MAP1LC3B2: variants seen among roughly 807,000 people sequenced by gnomAD.
MAP1LC3B2 encodes the protein microtubule associated protein 1 light chain 3 beta 2, also known as microtubule-associated protein 1 light chain 3 beta 2.
For missense variants in MAP1LC3B2, 155 were observed against 154.6 expected (o/e 1.00, Z -0.01); for synonymous variants, 62 against 57.8 (o/e 1.07, Z -0.33).
chr12:116,567,922 C>T (rs1159482756), intron 1 of MAP1LC3B2, among the ~76,000 whole-genome samples: 1 of 152,062 alleles, frequency 6.6e-6, no homozygotes, highest in African/African-American at 2.4e-5. Flanking sequence ...TGTCTGGAGC[C>T]TGCGAGTTCT....
At chr12:116,564,270 T>C (rs1869337368) in intron 1 of MAP1LC3B2, among the ~76,000 whole-genome samples, 1 of 152,252 alleles carries the variant, frequency 6.6e-6, no homozygotes, top group African/African-American at 2.4e-5. Context: ...CTTCTCTAGA[T>C]GTCTAGTAAG....
chr12:116,569,452 C>T (rs1490774014), intron 1 of MAP1LC3B2, among the ~76,000 whole-genome samples: 2 of 152,174 alleles, frequency 1.3e-5, no homozygotes, highest in Non-Finnish European at 2.9e-5. Flanking sequence ...TTATTTGGGC[C>T]TGTGGATTGT....
chr12:116,568,580 A>T (rs565873848), intron 1 of MAP1LC3B2, among the ~76,000 whole-genome samples: 1 of 152,320 alleles, frequency 6.6e-6, no homozygotes, highest in African/African-American at 2.4e-5. Context: ...AATTTCATGT[A>T]CTGGAAACTT....
At position 116,560,201 on chromosome 12, in the gene MAP1LC3B2, T is replaced by TAC. The variant is rs1566022530; in HGVS notation, c.-102+769_-102+770insCA. ...AGCTAAGTTTGGCTATATATATATA[T>TAC]ATATATATATATATATATATATATA... On this transcript the variant is annotated intron_variant, in intron 1 of 1. Coordinates refer to ENST00000556529, the MANE Select transcript of MAP1LC3B2 (RefSeq NM_001085481.3). The TAC allele has an allele frequency of 1.1e-3, 25 of 23,526 alleles. 1 individual carries two copies. In the East Asian group the frequency reaches 0.034, roughly 32 times the overall value. 1.5% of individuals were successfully genotyped at this position (23,526 alleles called of 1,614,324 possible).
chr12:116,575,883 C>T lies in MAP1LC3B2; in HGVS notation c.-60C>T. ...TCGGATTCGCTGCCGCAGCAGCCGC[C>T]ACCCCCAGGAGCCGCCGGGACCCTC... On this transcript the variant is annotated 5_prime_UTR_variant, in exon 2 of 2. Coordinates refer to ENST00000556529, the MANE Select transcript of MAP1LC3B2 (RefSeq NM_001085481.3). 6.2e-7 allele frequency: 1 copy of T among 1,606,514 alleles called. No individual in the cohort carries two copies. Among genetic ancestry groups the T allele is most frequent in the Non-Finnish European group, 8.5e-7 (1 of 1,174,938 alleles).
At chr12:116,574,619 C>G (rs1250632608) in intron 1 of MAP1LC3B2, among the ~76,000 whole-genome samples, 1 of 151,442 alleles carries the variant, frequency 6.6e-6, no homozygotes, top group African/African-American at 2.4e-5. Flanking sequence ...GTGCTCCAGC[C>G]TGGGGGACAG....
intron 1 of MAP1LC3B2, among the ~76,000 whole-genome samples, chr12:116,568,921 C>T (rs568289852): frequency 1.5e-4 from 22 of 148,384 alleles, no homozygotes; most frequent in African/African-American, 2.8e-4. Flanking sequence ...AGTGCAGTGG[C>T]GCATCTCCAC....
intron 1 of MAP1LC3B2, chr12:116,560,188 C>CAA (rs1491120344): frequency 1.0e-4 from 9 of 88,440 alleles, no homozygotes; most frequent in Non-Finnish European, 1.4e-4. Flanking sequence ...CTAAGTTTGG[C>CAA]TATATATATA....
chr12:116,574,797 C>A (rs1869625747), intron 1 of MAP1LC3B2, among the ~76,000 whole-genome samples: 1 of 151,392 alleles, frequency 6.6e-6, no homozygotes, highest in Admixed American at 6.6e-5. Context: ...CTCAAGTGAT[C>A]CACCAGCCTC....
At chr12:116,575,089 A>G (rs1566025453) in intron 1 of MAP1LC3B2, among the ~76,000 whole-genome samples, 3 of 151,720 alleles carry the variant, frequency 2.0e-5, no homozygotes, top group Non-Finnish European at 4.4e-5. Context: ...CTGAGGCAGG[A>G]GAATCACTCC....
At chr12:116,573,738 A>G (rs186215703) in intron 1 of MAP1LC3B2, among the ~76,000 whole-genome samples, 8 of 152,218 alleles carry the variant, frequency 5.3e-5, no homozygotes, top group African/African-American at 1.9e-4. Flanking sequence ...GCTGGTCTCA[A>G]ATTCCTGATT....
intron 1 of MAP1LC3B2, among the ~76,000 whole-genome samples, chr12:116,566,371 A>G (rs565743237): frequency 2.2e-4 from 33 of 152,258 alleles, no homozygotes; most frequent in African/African-American, 7.7e-4. Context: ...ATTCAACCAA[A>G]TATATTGACA....
rs1267562026 is a variant in MAP1LC3B2, at chr12:116,576,539, G to T, written c.*219G>T. On this transcript the variant is annotated 3_prime_UTR_variant, in exon 2 of 2. Transcript: ENST00000556529. ...TTTGGAAACTATATTATTTAATGTA[G>T]GCTAGCTTGTTTTCAAATTTTAAAA... 1 of 500,496 alleles carries T rather than the reference G, an allele frequency of 2.0e-6. No homozygotes were observed. The highest frequency in any genetic ancestry group is 2.0e-5 in the African/African-American group (1 of 50,640). 31.0% of individuals were successfully genotyped at this position (500,496 alleles called of 1,614,324 possible).
intron 1 of MAP1LC3B2, among the ~76,000 whole-genome samples, chr12:116,566,930 C>CAAAAAAAAAAAAAAAAAAAAAAAAAA (rs56405000): frequency 1.1e-4 from 3 of 26,762 alleles, no homozygotes; most frequent in East Asian, 1.1e-3. Context: ...GACTCTGTCT[C>CAAAAAAAAAAAAAAAAAAAAAAAAAA]AAAAAAAAAA....
intron 1 of MAP1LC3B2, among the ~76,000 whole-genome samples, chr12:116,564,869 C>T (rs1333939818): frequency 6.6e-6 from 1 of 152,204 alleles, no homozygotes; most frequent in African/African-American, 2.4e-5. Context: ...AAAGCTCTTC[C>T]AGGCAGAAAG....
chr12:116,570,625 G>A (rs1371311901), intron 1 of MAP1LC3B2, among the ~76,000 whole-genome samples: 2 of 152,102 alleles, frequency 1.3e-5, no homozygotes, highest in African/African-American at 4.8e-5. Context: ...CCTTTCACTT[G>A]GCTCTCATTC....
chr12:116,568,833 C>A (rs1262145566), intron 1 of MAP1LC3B2, among the ~76,000 whole-genome samples: 1 of 151,910 alleles, frequency 6.6e-6, no homozygotes, highest in African/African-American at 2.4e-5. Flanking sequence ...GACTTCCCAG[C>A]CTCTAGAACT....
Position 116,576,337 on chromosome 12 carries a change from T to C in MAP1LC3B2, c.*17T>C, listed in dbSNP as rs112054072. 4.9e-3 allele frequency: 7,831 copies of C among 1,603,540 alleles called. 337 individuals are homozygous for C. The African/African-American group carries it at 0.092, about 19-fold the overall frequency. ...TCAGTGTAAAACCAGAAAAAATGCA[T>C]CTCTTCTAGAATTTTTTAAACCCTT... On this transcript the variant is annotated 3_prime_UTR_variant, in exon 2 of 2. Transcript: ENST00000556529.
intron 1 of MAP1LC3B2, among the ~76,000 whole-genome samples, chr12:116,572,804 G>A (rs1378428505): frequency 6.6e-6 from 1 of 152,240 alleles, no homozygotes; most frequent in Non-Finnish European, 1.5e-5. Flanking sequence ...AGAGTCTTTA[G>A]GTCAATGGTT....
Sources: gnomAD v4.1 joint callset for allele counts (sites outside exome capture counted in the v4.1 genomes callset) on GRCh38, gnomAD v4.1.1 for gene constraint, MANE v1.5 for transcripts, NCBI Gene and HGNC (gene_info 2026-07-23, HGNC 2026-07-21) for gene names.